The following LOXHD1 variants were observed in gnomAD, a reference collection of about 807,000 sequenced individuals.
LOXHD1 encodes lipoxygenase homology domain-containing protein 1.
LOXHD1 carries 205 observed loss-of-function variants against 248.2 expected under a neutral mutation model. The ratio of observed to expected loss-of-function variants is 0.83; its 90% confidence interval spans 0.74 to 0.93. LOXHD1 has a LOEUF of 0.93. Ranked by LOEUF, LOXHD1 falls within the 40% of genes least tolerant of loss-of-function variation. LOXHD1 has a pLI of 0.00. For missense variants in LOXHD1, 2,930 were observed against 2,971.6 expected (o/e 0.99, Z 0.33); for synonymous variants, 1,113 against 1,162.8 (o/e 0.96, Z 0.87).
rs2035615102 is a variant in LOXHD1, at chr18:46,522,241, T to A, written c.4945A>T (p.Ile1649Phe). 1.9e-6 allele frequency: 3 copies of A among 1,551,910 alleles called. No homozygotes were observed. Among genetic ancestry groups the A allele is most frequent in the Non-Finnish European group, 2.6e-6 (3 of 1,147,044 alleles). ...KDAATDSRAF[I>F]FLIGEDDERS... Reference sequence around the variant, plus strand: ...TCATCATCCTCCCCGATGAGAAAGATGAAGGCTCGGCTGTCAGTGGCCGCG... The same window carrying A: ...TCATCATCCTCCCCGATGAGAAAGAAGAAGGCTCGGCTGTCAGTGGCCGCG... The change falls in exon 32 of 41, where the codon ATC (isoleucine) becomes TTC (phenylalanine). Residue 1649 changes from isoleucine to phenylalanine, a missense_variant. Physicochemically the swap from Ile to Phe is conservative, Grantham distance 21. Coordinates refer to ENST00000642948, the MANE Select transcript of LOXHD1 (RefSeq NM_001384474.1).
Position 46,593,750 on chromosome 18 carries a change from C to T in LOXHD1, c.1281G>A (p.Trp427Ter). 6.4e-7 allele frequency: 1 copy of T among 1,551,704 alleles called. No individual in the cohort carries two copies. The highest frequency in any genetic ancestry group is 8.7e-7 in the Non-Finnish European group (1 of 1,146,994). The change falls in exon 10 of 41, where the codon TGG becomes TGA. Residue 427 changes from tryptophan to a stop codon, truncating the protein, a stop_gained. Transcript: ENST00000642948. LOFTEE classifies it high-confidence loss of function. ...LRKKRLKKFP[W>*]SLWVWTTDLK... ...GGTCGGTTGTCCAGACCCACAGGGA[C>T]CAAGGGAATTCTGTAAGACAGATCA...
At chr18:46,489,291 G>C in intron 37 of LOXHD1, 149 bp from the exon 38 acceptor site, 1 of 809,996 alleles carries the variant, frequency 1.2e-6, no homozygotes, top group Non-Finnish European at 2.0e-6. Flanking sequence ...TAAAGTGAGG[G>C]GTTGGGTTAG....
intron 5 of LOXHD1, among the ~76,000 whole-genome samples, chr18:46,613,059 ATTGTC>A (rs1431493230): frequency 1.3e-5 from 2 of 152,074 alleles, no homozygotes; most frequent in African/African-American, 4.8e-5. Context: ...ATTATTCAAA[ATTGTC>A]TTGTCAATAT....
intron 4 of LOXHD1, among the ~76,000 whole-genome samples, chr18:46,630,770 T>G (rs2038809731): frequency 2.0e-5 from 3 of 150,088 alleles, no homozygotes; most frequent in African/African-American, 7.4e-5. Context: ...AAAGTGGGTA[T>G]GGGGGGGGGT....
intron 3 of LOXHD1, among the ~76,000 whole-genome samples, chr18:46,641,191 G>C (rs7232787): frequency 6.6e-6 from 1 of 152,118 alleles, no homozygotes; most frequent in Non-Finnish European, 1.5e-5. Context: ...AAGAGAGTTC[G>C]TGATATTGTA....
chr18:46,542,179 TAGG>T (rs2036588305), intron 24 of LOXHD1, among the ~76,000 whole-genome samples: 1 of 152,054 alleles, frequency 6.6e-6, no homozygotes, highest in Admixed American at 6.5e-5. Flanking sequence ...AGAGCATCAA[TAGG>T]AGATGACAGG....
intron 4 of LOXHD1, among the ~76,000 whole-genome samples, chr18:46,638,647 CAAATAAAATAA>C (rs2038922946): frequency 6.6e-6 from 1 of 151,938 alleles, no homozygotes; most frequent in Admixed American, 6.6e-5. Flanking sequence ...AATAAATAAA[CAAATAAAATAA>C]AAATAAAATA....
chr18:46,618,122 G>C (rs1167421995), intron 5 of LOXHD1, 70 bp downstream of exon 5: 5 of 1,170,760 alleles, frequency 4.3e-6, no homozygotes, highest in Non-Finnish European at 6.2e-6. Flanking sequence ...CCTCTGCCAG[G>C]ATTGTGGGAA....
chr18:46,543,753 T>TCCGGGAGA lies in LOXHD1; in HGVS notation c.3620-906_3620-899dup, dbSNP rs532960203. ...GAAAGAGATACCTTACTCAAAATCA[T>TCCGGGAGA]CCGGGAGACAGTGGTGGAGCTCTAA... is the stretch of plus-strand genomic sequence containing the variant. On this transcript the variant is annotated intron_variant, in intron 23 of 40. Transcript: ENST00000642948. 2.7e-3 allele frequency among the ~76,000 whole-genome samples: 410 copies of TCCGGGAGA among 152,326 alleles called. 3 individuals carry two copies. The highest frequency in any genetic ancestry group is 9.3e-3 in the African/African-American group (386 of 41,556).
Position 46,552,959 on chromosome 18 carries a change from C to T in LOXHD1, c.3350+4397G>A, listed in dbSNP as rs1598986246. ...CAACCATTTCTAATGTTCTTTTTCC[C>T]AAGCACCAAACAAGGCTGCTGCTCA... On this transcript the variant is annotated intron_variant, in intron 21 of 40. Coordinates refer to ENST00000642948, the MANE Select transcript of LOXHD1 (RefSeq NM_001384474.1). Among the ~76,000 whole-genome samples, 2 of 152,180 alleles carry T rather than the reference C, an allele frequency of 1.3e-5. 1 individual carries two copies. The highest frequency in any genetic ancestry group is 3.8e-4 in the East Asian group (2 of 5,206).
At chr18:46,597,051 C>G (rs2038267158) in intron 8 of LOXHD1, among the ~76,000 whole-genome samples, 1 of 152,082 alleles carries the variant, frequency 6.6e-6, no homozygotes, top group African/African-American at 2.4e-5. Context: ...TAAATCTGAA[C>G]AAGCAACTCT....
At chr18:46,547,844 C>T (rs556989584) in intron 21 of LOXHD1, among the ~76,000 whole-genome samples, 9 of 152,266 alleles carry the variant, frequency 5.9e-5, no homozygotes, top group African/African-American at 9.6e-5. Context: ...CAATGCATAA[C>T]GTTTTAAGTG....
chr18:46,484,968 C>T, intron 39 of LOXHD1, 51 bp downstream of exon 39: 2 of 1,538,662 alleles, frequency 1.3e-6, no homozygotes, highest in Non-Finnish European at 1.8e-6. Context: ...TCTCGGGGTC[C>T]TCCCTTACCT....
chr18:46,629,369 C>T (rs1455030240), intron 4 of LOXHD1, among the ~76,000 whole-genome samples: 1 of 152,224 alleles, frequency 6.6e-6, no homozygotes, highest in African/African-American at 2.4e-5. Context: ...TAAGTCAGTG[C>T]TTCTGGCTTC....
chr18:46,599,342 T>C (rs185086237), intron 8 of LOXHD1, among the ~76,000 whole-genome samples: 23 of 152,306 alleles, frequency 1.5e-4, no homozygotes, highest in African/African-American at 5.5e-4. Flanking sequence ...TTCCAGGTGA[T>C]TCTTAACCTT....
At chr18:46,520,236 C>T in intron 33 of LOXHD1, 1 of 468,292 alleles carries the variant, frequency 2.1e-6, no homozygotes, top group South Asian at 1.5e-5. Flanking sequence ...TTTAGAGCCC[C>T]ACTTCTGTTT....
chr18:46,614,520 G>A (rs369762020), intron 5 of LOXHD1, among the ~76,000 whole-genome samples: 2 of 152,142 alleles, frequency 1.3e-5, no homozygotes, highest in East Asian at 3.9e-4. Context: ...ATTGAACAAT[G>A]AGAACACTTG....
intron 19 of LOXHD1, 35 bp downstream of exon 19, chr18:46,560,048 T>TGCCGAG: frequency 8.2e-7 from 1 of 1,226,296 alleles, no homozygotes; most frequent in Non-Finnish European, 1.1e-6. Flanking sequence ...GTCTGGCCAC[T>TGCCGAG]CCCTCCCCAC....
At chr18:46,559,095 T>C in intron 20 of LOXHD1, 1 of 1,289,876 alleles carries the variant, frequency 7.8e-7, no homozygotes, top group South Asian at 1.2e-5. Context: ...CAGTTTAAGT[T>C]GCTCCCTCCC....
Sources: gnomAD v4.1 joint callset for allele counts (sites outside exome capture counted in the v4.1 genomes callset) on GRCh38, gnomAD v4.1.1 for gene constraint, MANE v1.5 for transcripts, NCBI Gene and HGNC (gene_info 2026-07-23, HGNC 2026-07-21) for gene names.